TMEM266: variants seen among roughly 807,000 people sequenced by gnomAD.
TMEM266 encodes Hv1 related protein 1.
In TMEM266, 33 loss-of-function variants were observed where a neutral mutation model predicts 50.5. The observed-to-expected ratio is 0.65, with a 90% CI of 0.50 to 0.87. The LOEUF is 0.87. TMEM266 is among the 40% of genes least tolerant of loss of function. The pLI is 0.00. For missense variants in TMEM266, 655 were observed against 695.1 expected (o/e 0.94, Z 0.65); for synonymous variants, 310 against 292.3 (o/e 1.06, Z -0.62).
chr15:76,084,296 C>T (rs1055254219), intron 1 of TMEM266, among the ~76,000 whole-genome samples: 2 of 151,842 alleles, frequency 1.3e-5, no homozygotes, highest in African/African-American at 4.8e-5. Flanking sequence ...CCTGGGCAAA[C>T]GAGCAAGACC....
chr15:76,126,374 C>CATATATATATATAT (rs61446223), intron 1 of TMEM266, among the ~76,000 whole-genome samples: 23 of 137,800 alleles, frequency 1.7e-4, no homozygotes, highest in African/African-American at 5.9e-4. Context: ...CACCCACAGA[C>CATATATATATATAT]ATATATATAT....
In TMEM266 at chr15:76,086,933, G is replaced by T. The variant is rs75198208; in HGVS notation, c.-97+26917G>T. Among the ~76,000 whole-genome samples, 7 of 34,020 alleles carry T rather than the reference G, an allele frequency of 2.1e-4. No homozygotes were observed. The South Asian group carries it at 5.4e-3, about 26-fold the overall frequency. 22.3% of individuals were successfully genotyped at this position (34,020 alleles called of 152,430 possible). ...TGCAGAAAAAGGGAGCAGGTCGGGGGGGGGGCGGTGGTGTTGCAAAGGGAG... is the reference window on the plus strand; with the variant it reads ...TGCAGAAAAAGGGAGCAGGTCGGGGTGGGGGCGGTGGTGTTGCAAAGGGAG... On this transcript the variant is annotated intron_variant, in intron 1 of 10. Coordinates refer to ENST00000388942, the MANE Select transcript of TMEM266 (RefSeq NM_152335.3).
At chr15:76,099,925 G>T (rs1405024468) in intron 1 of TMEM266, among the ~76,000 whole-genome samples, 1 of 152,054 alleles carries the variant, frequency 6.6e-6, no homozygotes, top group Non-Finnish European at 1.5e-5. Flanking sequence ...AGAGAGAGAG[G>T]AGACAGAGGA....
At chr15:76,126,822 C>G (rs28713704) in intron 1 of TMEM266, among the ~76,000 whole-genome samples, 17,695 of 152,148 alleles carry the variant, frequency 0.12, 2,879 homozygotes, top group African/African-American at 0.37. Flanking sequence ...AGCCACTGTG[C>G]CCAGCCTATA....
At chr15:76,199,374 T>C (rs2038704291) in intron 9 of TMEM266, among the ~76,000 whole-genome samples, 1 of 152,196 alleles carries the variant, frequency 6.6e-6, no homozygotes, top group Non-Finnish European at 1.5e-5. Context: ...AACGATCTAA[T>C]ACCTTGATAG....
At position 76,153,472 on chromosome 15, in the gene TMEM266, C is replaced by T. The variant is rs942522445; in HGVS notation, c.228-3132C>T. Among the ~76,000 whole-genome samples, 3 of 152,174 alleles carry T rather than the reference C, an allele frequency of 2.0e-5. No individual in the cohort carries two copies. The highest frequency in any genetic ancestry group is 4.4e-5 in the Non-Finnish European group (3 of 68,034). ...CATAACCGCCTGAAGGTGCTTGGCT[C>T]AGATTTCAAATGACAATGACATGCC... On this transcript the variant is annotated intron_variant, in intron 3 of 10. Coordinates refer to ENST00000388942, the MANE Select transcript of TMEM266 (RefSeq NM_152335.3). The surrounding 1 kb of genome is among the most constrained non-coding windows in gnomAD (Gnocchi z 4.2).
chr15:76,161,478 T>C lies in TMEM266; in HGVS notation c.456+1310T>C, dbSNP rs1454664772. The stretch of plus-strand genomic sequence containing the variant: ...AATGGCTCTGCTCTCTCTCTCTCTC[T>C]CTCCCTAAAAATCAGGAGGGAGCTG... On this transcript the variant is annotated intron_variant, in intron 5 of 10. Transcript: ENST00000388942. The surrounding 1 kb of genome is among the most constrained non-coding windows in gnomAD (Gnocchi z 4.1). 6.6e-6 allele frequency among the ~76,000 whole-genome samples: 1 copy of C among 151,794 alleles called. No individual in the cohort carries two copies. The highest frequency in any genetic ancestry group is 1.5e-5 in the Non-Finnish European group (1 of 67,936).
chr15:76,142,827 G>A (rs911918082), intron 3 of TMEM266, among the ~76,000 whole-genome samples: 3 of 152,164 alleles, frequency 2.0e-5, no homozygotes. Context: ...CTTCACCTCT[G>A]CACTCAGGCT....
At chr15:76,174,411 C>CGTG (rs903890124) in intron 7 of TMEM266, among the ~76,000 whole-genome samples, 1 of 151,938 alleles carries the variant, frequency 6.6e-6, no homozygotes, top group Non-Finnish European at 1.5e-5. Context: ...ATTAGCCAGG[C>CGTG]GTGGTGGCGG....
intron 3 of TMEM266, among the ~76,000 whole-genome samples, chr15:76,156,108 C>T (rs1269112959): frequency 6.6e-6 from 1 of 152,202 alleles, no homozygotes; most frequent in Non-Finnish European, 1.5e-5. Context: ...TTCCTGTAAT[C>T]CCAGCACTTT....
At chr15:76,147,496 T>A (rs2037773405) in intron 3 of TMEM266, among the ~76,000 whole-genome samples, 1 of 152,100 alleles carries the variant, frequency 6.6e-6, no homozygotes, top group East Asian at 1.9e-4. Flanking sequence ...CCAGTGAGAT[T>A]TGTCTATAAT....
At position 76,204,533 on chromosome 15, in the gene TMEM266, G is replaced by A. The variant is rs1217455169; in HGVS notation, c.*218G>A. ...CCTCTTCTCGCCCTGCTCAGGGGAG[G>A]GTGGTGCTCGTGGCTGGGTTTTCTT... On this transcript the variant is annotated 3_prime_UTR_variant, in exon 11 of 11. Transcript: ENST00000388942. The A allele has an allele frequency of 1.3e-5, 6 of 445,278 alleles. No individual in the cohort carries two copies. The highest frequency in any genetic ancestry group is 2.0e-5 in the Non-Finnish European group (5 of 252,322). 27.6% of individuals were successfully genotyped at this position (445,278 alleles called of 1,614,324 possible). A position where few individuals can be genotyped will look rare whatever the true frequency, so the allele number is the denominator to read the frequency against.
chr15:76,194,191 T>C (rs1296066640), intron 9 of TMEM266, among the ~76,000 whole-genome samples: 1 of 152,258 alleles, frequency 6.6e-6, no homozygotes, highest in East Asian at 1.9e-4. Context: ...TTTTGTAGCC[T>C]CGTGCAGAAC....
At chr15:76,202,303 C>A in intron 10 of TMEM266, 39 bp downstream of exon 10, 1 of 1,557,344 alleles carries the variant, frequency 6.4e-7, no homozygotes, top group Non-Finnish European at 8.8e-7. Context: ...GTGCCACAAC[C>A]CCAGCAATCC....
At chr15:76,186,096 C>T (rs1179914334) in intron 8 of TMEM266, among the ~76,000 whole-genome samples, 2 of 152,198 alleles carry the variant, frequency 1.3e-5, no homozygotes, top group Non-Finnish European at 2.9e-5. Flanking sequence ...TTCCATCTTG[C>T]TTATAAGGCT....
intron 5 of TMEM266, among the ~76,000 whole-genome samples, chr15:76,165,175 C>T: frequency 6.6e-6 from 1 of 152,244 alleles, no homozygotes; most frequent in East Asian, 1.9e-4. Context: ...TCCCCTCCTG[C>T]AGCCTGAAGC....
Sources: allele counts gnomAD v4.1 joint callset (sites outside exome capture counted in the v4.1 genomes callset), GRCh38; gene constraint gnomAD v4.1.1; non-coding constraint Gnocchi (gnomAD v3.1); transcripts MANE v1.5; gene names NCBI Gene and HGNC (gene_info 2026-07-23, HGNC 2026-07-21).